ZNF536: variants seen among roughly 807,000 people sequenced by gnomAD.
ZNF536 encodes the protein zinc finger protein 536.
A neutral mutation model predicts 84.5 loss-of-function variants in ZNF536; 13 were observed. That is an observed-to-expected ratio of 0.15 (90% CI 0.10 to 0.24). The LOEUF (loss-of-function observed/expected upper bound fraction) is 0.24. Among genes scored for constraint, ZNF536 ranks in the 10% least tolerant of loss-of-function variants. ZNF536 has a pLI of 1.00. For synonymous variants in ZNF536, 811 were observed against 742.5 expected (o/e 1.09, Z -1.50); for missense variants, 1,536 against 1,747.5 (o/e 0.88, Z 2.16).
At chr19:30,310,164 T>C (rs939841980) in intron 2 of ZNF536, among the ~76,000 whole-genome samples, 4 of 152,194 alleles carry the variant, frequency 2.6e-5, no homozygotes, top group African/African-American at 9.7e-5. Flanking sequence ...ATATCTATTT[T>C]TGGAGCAAAG....
intron 1 of ZNF536, among the ~76,000 whole-genome samples, chr19:30,645,666 G>A (rs1294202715): frequency 1.3e-5 from 2 of 152,176 alleles, no homozygotes; most frequent in Non-Finnish European, 2.9e-5. Context: ...GTTAGGATCT[G>A]TGTCTATATC....
intron 2 of ZNF536, among the ~76,000 whole-genome samples, chr19:30,501,202 T>C (rs1411388288): frequency 6.6e-6 from 1 of 152,212 alleles, no homozygotes; most frequent in Non-Finnish European, 1.5e-5. Flanking sequence ...CTCAATATCA[T>C]CATGCTAAGT....
intron 2 of ZNF536, among the ~76,000 whole-genome samples, chr19:30,458,141 C>G (rs2052944016): frequency 6.6e-6 from 1 of 152,196 alleles, no homozygotes; most frequent in Non-Finnish European, 1.5e-5. Flanking sequence ...GAGCCGGGCC[C>G]CACACACATT....
At chr19:30,536,375 C>T (rs1333230931) in intron 3 of ZNF536, among the ~76,000 whole-genome samples, 1 of 152,144 alleles carries the variant, frequency 6.6e-6, no homozygotes, top group Non-Finnish European at 1.5e-5. Context: ...GACTATCCCA[C>T]CTAAAACAGC....
intron 1 of ZNF536, among the ~76,000 whole-genome samples, chr19:30,416,485 G>T (rs1012880157): frequency 6.6e-6 from 1 of 152,084 alleles, no homozygotes; most frequent in African/African-American, 2.4e-5. Context: ...GGCATGGGAG[G>T]GATGCTCATT....
intron 2 of ZNF536, among the ~76,000 whole-genome samples, chr19:30,319,532 G>A (rs1468392308): frequency 1.3e-5 from 2 of 152,168 alleles, no homozygotes; most frequent in Admixed American, 6.5e-5. Context: ...AATTCACAAA[G>A]GCTTCCAAGA....
At chr19:30,354,560 C>T (rs563924676) in intron 3 of ZNF536, among the ~76,000 whole-genome samples, 5 of 152,222 alleles carry the variant, frequency 3.3e-5, no homozygotes, top group African/African-American at 1.2e-4. Flanking sequence ...AAATTAACTG[C>T]CCTGGCATGC....
At chr19:30,677,515 A>G (rs767068049) in intron 1 of ZNF536, among the ~76,000 whole-genome samples, 1 of 152,190 alleles carries the variant, frequency 6.6e-6, no homozygotes, top group Non-Finnish European at 1.5e-5. Context: ...CTTGGCGAGG[A>G]CATTCACTGC....
chr19:30,569,849 G>C (rs527597350), intron 1 of ZNF536, among the ~76,000 whole-genome samples: 17 of 152,042 alleles, frequency 1.1e-4, no homozygotes, highest in Admixed American at 7.9e-4. Flanking sequence ...TGGGATTACA[G>C]AGCCACTGTA....
At chr19:30,425,934 T>C (rs2051194380) in intron 1 of ZNF536, among the ~76,000 whole-genome samples, 1 of 152,162 alleles carries the variant, frequency 6.6e-6, no homozygotes, top group Non-Finnish European at 1.5e-5. Context: ...ACCTGATTAA[T>C]AGGTGTGAGC....
At chr19:30,675,527 A>G (rs949194143) in intron 1 of ZNF536, among the ~76,000 whole-genome samples, 2 of 152,212 alleles carry the variant, frequency 1.3e-5, no homozygotes, top group South Asian at 2.1e-4. Flanking sequence ...TTTATTTGAG[A>G]TGTAACCCAT....
At chr19:30,284,298 G>A (rs2045554555) in intron 2 of ZNF536, among the ~76,000 whole-genome samples, 1 of 152,224 alleles carries the variant, frequency 6.6e-6, no homozygotes, top group Non-Finnish European at 1.5e-5. Flanking sequence ...TCCATATCTT[G>A]TGGGCGGGGT....
chr19:30,676,390 T>C (rs1040071079), intron 1 of ZNF536, among the ~76,000 whole-genome samples: 3 of 152,218 alleles, frequency 2.0e-5, no homozygotes, highest in African/African-American at 7.2e-5. Context: ...CTTGTCAACA[T>C]TGTAGGACAG....
At chr19:30,665,881 G>C (rs986428520) in intron 1 of ZNF536, 1 of 152,444 alleles carries the variant, frequency 6.6e-6, no homozygotes. Flanking sequence ...GAAAGGAGGG[G>C]TCACTGTCTG....
intron 2 of ZNF536, among the ~76,000 whole-genome samples, chr19:30,457,700 A>AG (rs2052919736): frequency 6.6e-6 from 1 of 152,242 alleles, no homozygotes; most frequent in African/African-American, 2.4e-5. Flanking sequence ...TCAGGTGGTC[A>AG]GGGGTGTGAG....
intron 2 of ZNF536, among the ~76,000 whole-genome samples, chr19:30,301,879 C>A (rs987699452): frequency 6.7e-6 from 1 of 149,926 alleles, no homozygotes; most frequent in African/African-American, 2.5e-5. Flanking sequence ...AGGCTGGGTG[C>A]AGAGAGGTCC....
At chr19:30,685,161 A>G (rs2051125356) in intron 1 of ZNF536, among the ~76,000 whole-genome samples, 1 of 152,152 alleles carries the variant, frequency 6.6e-6, no homozygotes, top group African/African-American at 2.4e-5. Context: ...TGGGTAAAAC[A>G]CCAAAGGGGT....
intron 1 of ZNF536, among the ~76,000 whole-genome samples, chr19:30,439,993 C>G (rs1238502945): frequency 7.5e-5 from 10 of 133,468 alleles, no homozygotes; most frequent in Middle Eastern, 4.2e-3. Context: ...CAGAGTCTCG[C>G]TCTGTTGCCC....
At chr19:30,504,102 T>C (rs2055060958) in intron 2 of ZNF536, among the ~76,000 whole-genome samples, 1 of 152,094 alleles carries the variant, frequency 6.6e-6, no homozygotes, top group South Asian at 2.1e-4. Flanking sequence ...ATATGGCCAC[T>C]TAGGAGCTCT....
Sources: gnomAD v4.1 joint callset for allele counts (sites outside exome capture counted in the v4.1 genomes callset) on GRCh38, gnomAD v4.1.1 for gene constraint, MANE v1.5 for transcripts, NCBI Gene and HGNC (gene_info 2026-07-23, HGNC 2026-07-21) for gene names.